Variants in AKAP13 observed in about 807,000 individuals in gnomAD.
AKAP13 encodes the protein A-kinase anchor protein 13.
AKAP13 carries 80 observed loss-of-function variants against 264.5 expected under a neutral mutation model. The observed-to-expected ratio is 0.30, with a 90% CI of 0.25 to 0.36. The LOEUF (loss-of-function observed/expected upper bound fraction) is 0.36, where lower values mean the gene tolerates loss of function less well. Ranked by LOEUF, AKAP13 falls within the 10% of genes least tolerant of loss-of-function variation. AKAP13 has a pLI of 1.00. For synonymous variants in AKAP13, 1,380 were observed against 1,250.2 expected (o/e 1.10, Z -2.19); for missense variants, 3,712 against 3,435.2 (o/e 1.08, Z -2.01).
chr15:85,481,473 G>A (rs1042933304), intron 1 of AKAP13, among the ~76,000 whole-genome samples: 2 of 152,156 alleles, frequency 1.3e-5, no homozygotes, highest in African/African-American at 4.8e-5. Flanking sequence ...TATTAAAATT[G>A]AGTGACTCTT....
At chr15:85,700,423 G>A (rs1427771678) in intron 17 of AKAP13, among the ~76,000 whole-genome samples, 5 of 152,138 alleles carry the variant, frequency 3.3e-5, no homozygotes, top group Non-Finnish European at 7.3e-5. Context: ...TGCTAGAACC[G>A]CCTCTGGAGA....
intron 30 of AKAP13, 104 bp from the exon 31 acceptor site, chr15:85,734,888 G>GGAACTTTC: frequency 6.9e-7 from 1 of 1,446,206 alleles, no homozygotes; most frequent in Non-Finnish European, 9.3e-7. Flanking sequence ...GTCACTCTTT[G>GGAACTTTC]GAACTTTCAA....
At chr15:85,623,599 C>G (rs952924759) in intron 8 of AKAP13, among the ~76,000 whole-genome samples, 1 of 152,216 alleles carries the variant, frequency 6.6e-6, no homozygotes, top group Admixed American at 6.5e-5. Flanking sequence ...AGGCTGGGTA[C>G]GCTAGTGTCA....
rs781392994 is a variant in AKAP13, at chr15:85,741,442, C to T, written c.8005C>T (p.Arg2669Cys). The change falls in exon 35 of 37, where the codon CGC (arginine) becomes TGC (cysteine). Residue 2669 changes from arginine (R) to cysteine (C), a missense_variant. Transcript: ENST00000394518. ...KQLEREQEQL[R>C]REAERLSQRQ... ...GCTTGAGAGGGAACAGGAGCAGCTG[C>T]GCCGGGAGGCAGAGCGGCTCAGCCA... 2.3e-5 allele frequency: 37 copies of T among 1,608,494 alleles called. No homozygotes were observed. Among genetic ancestry groups the T allele is most frequent in the Non-Finnish European group, 2.9e-5 (34 of 1,175,986 alleles).
At chr15:85,622,665 G>C (rs1382538) in intron 8 of AKAP13, among the ~76,000 whole-genome samples, 29,675 of 152,204 alleles carry the variant, frequency 0.19, 3,855 homozygotes, top group Middle Eastern at 0.41. Flanking sequence ...CAGGCATATA[G>C]TGTTTACATT....
chr15:85,733,335 GATA>G (rs144274831), intron 30 of AKAP13, among the ~76,000 whole-genome samples: 1,954 of 152,134 alleles, frequency 0.013, 43 homozygotes, highest in African/African-American at 0.042. Context: ...ATCAGAGACT[GATA>G]ATAATTTGAT....
intron 1 of AKAP13, chr15:85,415,081 C>A: frequency 1.2e-5 from 7 of 561,572 alleles, no homozygotes; most frequent in East Asian, 6.1e-5. Flanking sequence ...AGTGAAGTTA[C>A]TCTGAAAATT....
Position 85,485,695 on chromosome 15 carries a change from C to T in AKAP13, c.-11-15C>T. 6.2e-7 allele frequency: 1 copy of T among 1,611,480 alleles called. No individual in the cohort carries two copies. The highest frequency in any genetic ancestry group is 8.5e-7 in the Non-Finnish European group (1 of 1,177,834). On this transcript the variant is annotated splice_polypyrimidine_tract_variant and intron_variant, in intron 1 of 36. Coordinates refer to ENST00000394518, the MANE Select transcript of AKAP13 (RefSeq NM_007200.5). ...ACTTTTAATTTTATTCTCATTTATT[C>T]CATTTCTGTTTCAGTGTCCTGGGTC...
intron 17 of AKAP13, among the ~76,000 whole-genome samples, chr15:85,700,105 T>G (rs1282467014): frequency 6.6e-6 from 1 of 152,244 alleles, no homozygotes; most frequent in East Asian, 1.9e-4. Flanking sequence ...TTGACTTGTG[T>G]ATATACATTA....
chr15:85,487,210 A>G (rs940909905), intron 2 of AKAP13, among the ~76,000 whole-genome samples: 17 of 152,220 alleles, frequency 1.1e-4, no homozygotes, highest in Non-Finnish European at 2.2e-4. Context: ...TCAAGTGATC[A>G]GAGATCGTTT....
At chr15:85,578,273 G>C (rs371426895) in intron 6 of AKAP13, among the ~76,000 whole-genome samples, 1 of 152,212 alleles carries the variant, frequency 6.6e-6, no homozygotes, top group Non-Finnish European at 1.5e-5. Context: ...CAGAATGAGA[G>C]AGCCCACCTT....
chr15:85,402,796 C>A (rs757476553), intron 1 of AKAP13, among the ~76,000 whole-genome samples: 1 of 152,206 alleles, frequency 6.6e-6, no homozygotes, highest in East Asian at 1.9e-4. Flanking sequence ...GATTGTGTAG[C>A]TTGGCTAAAC....
chr15:85,564,445 A>G (rs1255174405), intron 5 of AKAP13, among the ~76,000 whole-genome samples: 1 of 152,220 alleles, frequency 6.6e-6, no homozygotes, highest in East Asian at 1.9e-4. Context: ...ATATTTCCTA[A>G]GAACAAGGAC....
intron 2 of AKAP13, among the ~76,000 whole-genome samples, chr15:85,506,615 A>T (rs1016845220): frequency 6.6e-6 from 1 of 152,216 alleles, no homozygotes; most frequent in South Asian, 2.1e-4. Flanking sequence ...GCAGGGCAAG[A>T]TAGATAAGGA....
In AKAP13 at chr15:85,579,761, A is replaced by G; in HGVS notation, c.1693A>G (p.Thr565Ala). Residue 565 changes from threonine to alanine, a missense_variant, in exon 7 of 37, where the codon ACA (threonine) becomes GCA (alanine). Physicochemically the swap from Thr to Ala is moderately conservative, Grantham distance 58. Transcript: ENST00000394518. ...FSNEETSTEK[T>A]AETETSRSRE... ...TAATGAAGAAACCTCCACTGAAAAAACAGCAGAAACGGAAACTTCACGAAG... is the reference window on the plus strand; with the variant it reads ...TAATGAAGAAACCTCCACTGAAAAAGCAGCAGAAACGGAAACTTCACGAAG... 1.2e-6 allele frequency: 2 copies of G among 1,614,214 alleles called. No individual in the cohort carries two copies. Among genetic ancestry groups the G allele is most frequent in the Non-Finnish European group, 1.7e-6 (2 of 1,180,030 alleles).
rs1424065544 is a variant in AKAP13, at chr15:85,575,398, C to T, written c.861+69C>T. On this transcript the variant is annotated intron_variant, in intron 6 of 36. Coordinates refer to ENST00000394518, the MANE Select transcript of AKAP13 (RefSeq NM_007200.5). ...TGTGTGTTTTGTATGTGTGTGTCCCCGCCCTCCTCCAATGAACCTTGATAT... is the reference window on the plus strand; with the variant it reads ...TGTGTGTTTTGTATGTGTGTGTCCCTGCCCTCCTCCAATGAACCTTGATAT... 3.3e-5 allele frequency: 47 copies of T among 1,428,758 alleles called. 1 individual carries two copies. The highest frequency in any genetic ancestry group is 1.6e-4 in the South Asian group (14 of 85,788). 88.5% of individuals were successfully genotyped at this position (1,428,758 alleles called of 1,614,324 possible). A position where few individuals can be genotyped will look rare whatever the true frequency, so the allele number is the denominator to read the frequency against.
chr15:85,486,364 A>G (rs2151059278), intron 2 of AKAP13, among the ~76,000 whole-genome samples: 1 of 152,212 alleles, frequency 6.6e-6, no homozygotes, highest in Non-Finnish European at 1.5e-5. Flanking sequence ...GTTTTCATCT[A>G]GGAATTGTAT....
chr15:85,677,545 C>A (rs547850035), intron 14 of AKAP13, among the ~76,000 whole-genome samples: 1 of 151,868 alleles, frequency 6.6e-6, no homozygotes, highest in South Asian at 2.1e-4. Context: ...CACTTTTTTT[C>A]TTCTCCTTTT....
chr15:85,730,404 C>T (rs1421487010), intron 29 of AKAP13, 109 bp from the exon 30 acceptor site: 1 of 1,128,414 alleles, frequency 8.9e-7, no homozygotes, highest in Admixed American at 2.1e-5. Context: ...GGGAGGGTGT[C>T]CTGTCTTGTC....
Sources: allele counts gnomAD v4.1 joint callset (sites outside exome capture counted in the v4.1 genomes callset), GRCh38; gene constraint gnomAD v4.1.1; transcripts MANE v1.5; gene names NCBI Gene and HGNC (gene_info 2026-07-23, HGNC 2026-07-21).